Variants in TCAF2 observed in about 807,000 individuals in gnomAD.
The protein encoded by TCAF2 is TRPM8 channel associated factor 2.
In TCAF2, 6 loss-of-function variants were observed where a neutral mutation model predicts 33.9. That is an observed-to-expected ratio of 0.18 (90% CI 0.10 to 0.35). TCAF2 has a LOEUF of 0.35. Among genes scored for constraint, TCAF2 ranks in the 10% least tolerant of loss-of-function variants. The probability of loss-of-function intolerance (pLI) is 1.00; values close to 1 mark genes in which losing one functional copy is unlikely to be tolerated. For synonymous variants in TCAF2, 41 were observed against 247.8 expected, an observed-to-expected ratio of 0.17 and a Z score of 7.84; for missense variants, 109 against 604.0, an observed-to-expected ratio of 0.18 and a Z score of 8.59.
intron 3 of TCAF2, 122 bp downstream of exon 3, chr7:143,720,796 T>C (rs779586295): frequency 4.9e-6 from 5 of 1,013,728 alleles, no homozygotes; most frequent in African/African-American, 1.9e-5. Context: ...TCTTTTTTTT[T>C]TTGAGACAGA....
rs187262016 is a variant in TCAF2, at chr7:143,721,156, A to T, written c.1616-125A>T. ...TTAAGGTTTAGAGGGGATGAGCCTA[A>T]GAAGTATGGATGACTTGAGATACAC... On this transcript the variant is annotated intron_variant, in intron 3 of 7. Coordinates refer to ENST00000684770, the MANE Select transcript of TCAF2 (RefSeq NM_001363538.2). 16 of 444,802 alleles carry T rather than the reference A, an allele frequency of 3.6e-5. 7 individuals carry two copies. In the East Asian group the frequency reaches 5.9e-4, roughly 16 times the overall value. 27.6% of individuals were successfully genotyped at this position (444,802 alleles called of 1,614,324 possible). A position where few individuals can be genotyped will look rare whatever the true frequency, so the allele number is the denominator to read the frequency against.
chr7:143,728,889 GTTGT>G lies in TCAF2; in HGVS notation c.*1229_*1232del, dbSNP rs1809747375. 4 of 152,244 alleles carry G rather than the reference GTTGT, an allele frequency of 2.6e-5. No homozygotes were observed. In the East Asian group the frequency reaches 7.7e-4, roughly 29 times the overall value. The allele number at this position is 152,244 out of a possible 1,614,324, so 9.4% of individuals were successfully genotyped here. ...CTCCAGTTTACTTTTAGACCATATT[GTTGT>G]TTGTTTTGAATATCATTCCTTAGGC... On this transcript the variant is annotated 3_prime_UTR_variant, in exon 8 of 8. Transcript: ENST00000684770.
chr7:143,729,202 G>T lies in TCAF2; in HGVS notation c.*1535G>T, dbSNP rs903075185. On this transcript the variant is annotated 3_prime_UTR_variant, in exon 8 of 8. Coordinates refer to ENST00000684770, the MANE Select transcript of TCAF2 (RefSeq NM_001363538.2). ...AATGTTATCTTCCCAGCAGACCTCT[G>T]AGGTAGGTACTAGTATGATCCCCAT... is the stretch of plus-strand genomic sequence containing the variant. 6.6e-6 allele frequency: 1 copy of T among 152,136 alleles called. No homozygotes were observed. The allele number at this position is 152,136 out of a possible 1,614,324, so 9.4% of individuals were successfully genotyped here. A position where few individuals can be genotyped will look rare whatever the true frequency, so the allele number is the denominator to read the frequency against.
intron 1 of TCAF2, among the ~76,000 whole-genome samples, chr7:143,701,762 CTTTATTTTATTTTATTTTATTTTAT>C (rs796928755): frequency 2.1e-5 from 2 of 97,394 alleles, no homozygotes; most frequent in African/African-American, 4.3e-5. Flanking sequence ...TTTTATTTTA[CTTTATTTTATTTTATTTTATTTTAT>C]TTTATTTTAT....
At chr7:143,634,812 A>G (rs1326813010) in intron 1 of TCAF2, among the ~76,000 whole-genome samples, 2 of 103,376 alleles carry the variant, frequency 1.9e-5, no homozygotes, top group Non-Finnish European at 4.0e-5. Flanking sequence ...CTCTCTGATT[A>G]TCAATGCCCA....
chr7:143,729,471 A>G lies in TCAF2; in HGVS notation c.*1804A>G, dbSNP rs1451216422. On this transcript the variant is annotated 3_prime_UTR_variant, in exon 8 of 8. Transcript: ENST00000684770. ...GAATTTTCATTCAATAACAAGTTTA[A>G]CTTCCAAAAAGGTGTTGGTATCTGA... 6.6e-6 allele frequency: 1 copy of G among 152,172 alleles called. No homozygotes were observed. The highest frequency in any genetic ancestry group is 2.4e-5 in the African/African-American group (1 of 41,446). 9.4% of individuals were successfully genotyped at this position (152,172 alleles called of 1,614,324 possible). A position where few individuals can be genotyped will look rare whatever the true frequency, so the allele number is the denominator to read the frequency against.
At position 143,730,003 on chromosome 7, in the gene TCAF2, A is replaced by G. The variant is rs1442223954; in HGVS notation, c.*2336A>G. ...ATGCCATATTTTCTTTATCCAGTCT[A>G]TCATTGGTGGGCATTTGGGTTGGTT... On this transcript the variant is annotated 3_prime_UTR_variant, in exon 8 of 8. Coordinates refer to ENST00000684770, the MANE Select transcript of TCAF2 (RefSeq NM_001363538.2). The G allele has an allele frequency of 2.6e-5, 4 of 152,132 alleles. No homozygotes were observed. The highest frequency in any genetic ancestry group is 1.3e-4 in the Admixed American group (2 of 15,272). The allele number at this position is 152,132 out of a possible 1,614,324, so 9.4% of individuals were successfully genotyped here.
At position 143,622,583 on chromosome 7, in the gene TCAF2, T is replaced by C. The variant is rs1314437250; in HGVS notation, c.-12+1563T>C. Among the ~76,000 whole-genome samples the C allele has an allele frequency of 1.3e-4, 5 of 37,434 alleles. 2 individuals carry two copies. The highest frequency in any genetic ancestry group is 1.9e-4 in the Non-Finnish European group (3 of 16,062). The allele number at this position is 37,434 out of a possible 152,430, so 24.6% of individuals were successfully genotyped here. On this transcript the variant is annotated intron_variant, in intron 1 of 7. Transcript: ENST00000684770. Reference sequence around the variant, plus strand: ...CTTTATTTTATTTTACTTTACTTTATTTTATTTTATTTTATTTTATTTTAT... The same window carrying C: ...CTTTATTTTATTTTACTTTACTTTACTTTATTTTATTTTATTTTATTTTAT...
rs1429283692 is a variant in TCAF2, at chr7:143,727,982, C to T, written c.*315C>T. 6.1e-6 allele frequency: 1 copy of T among 164,652 alleles called. No individual in the cohort carries two copies. Among genetic ancestry groups the T allele is most frequent in the Non-Finnish European group, 1.3e-5 (1 of 76,554 alleles). The allele number at this position is 164,652 out of a possible 1,614,324, so 10.2% of individuals were successfully genotyped here. The stretch of plus-strand genomic sequence containing the variant: ...CCAATAGCTCTAAAGACCACGGGTT[C>T]CCATAACAACCTGATATCCCTTTCT... On this transcript the variant is annotated 3_prime_UTR_variant, in exon 8 of 8. Transcript: ENST00000684770.
chr7:143,707,329 C>CA (rs1279009880), intron 2 of TCAF2, among the ~76,000 whole-genome samples: 2,398 of 30,900 alleles, frequency 0.078, 71 homozygotes, highest in Non-Finnish European at 0.086. Flanking sequence ...GACTCTGTCT[C>CA]AAAAAAAAAA....
Position 143,624,052 on chromosome 7 carries a change from G to A in TCAF2, c.-12+3032G>A, listed in dbSNP as rs1382177770. On this transcript the variant is annotated intron_variant, in intron 1 of 7. Transcript: ENST00000684770. The stretch of plus-strand genomic sequence containing the variant: ...GCTCTGTCCCTGTCCTGGGGCTCCC[G>A]TGGGAGTGCGTCCATCCCTGGCACC... 17 of 571,616 alleles carry A rather than the reference G, an allele frequency of 3.0e-5. 5 individuals carry two copies. Among genetic ancestry groups the A allele is most frequent in the African/African-American group, 6.5e-5 (3 of 45,850 alleles). 35.4% of individuals were successfully genotyped at this position (571,616 alleles called of 1,614,324 possible).
At chr7:143,720,701 A>C in intron 3 of TCAF2, 27 bp downstream of exon 3, 1 of 981,638 alleles carries the variant, frequency 1.0e-6, no homozygotes, top group Non-Finnish European at 1.3e-6. Flanking sequence ...GAGTGCCCAG[A>C]ACATTAAAGA....
rs748436115 is a variant in TCAF2, at chr7:143,724,553, T to C, written c.2361T>C (p.His787=). ...ATCNLWSVYV[H]ETVLGIPRAQ... ...GTAACCTTTGGTCAGTCTACGTGCATGAAACAGTCCTGGGGATCCCCAGGG... is the reference window on the plus strand; with the variant it reads ...GTAACCTTTGGTCAGTCTACGTGCACGAAACAGTCCTGGGGATCCCCAGGG... Residue 787 remains histidine (H), a synonymous_variant, in exon 7 of 8, where the codon CAT becomes CAC. Transcript: ENST00000684770. The C allele has an allele frequency of 1.4e-5, 22 of 1,610,742 alleles. No homozygotes were observed. In the South Asian group the frequency reaches 2.3e-4, roughly 17 times the overall value.
chr7:143,725,482 A>C (rs1809657609), intron 7 of TCAF2, among the ~76,000 whole-genome samples: 2 of 151,918 alleles, frequency 1.3e-5, no homozygotes, highest in South Asian at 4.2e-4. Flanking sequence ...ATTTTAAAGA[A>C]TTTAAGCAAT....
chr7:143,726,101 T>A (rs1236683143), intron 7 of TCAF2, among the ~76,000 whole-genome samples: 2 of 152,358 alleles, frequency 1.3e-5, no homozygotes, highest in Non-Finnish European at 2.9e-5. Flanking sequence ...TCAAAGCTCA[T>A]TAGCAGGGCA....
In TCAF2 at chr7:143,724,701, C is replaced by G; in HGVS notation, c.2505+4C>G. On this transcript the variant is annotated splice_donor_region_variant and intron_variant, in intron 7 of 7. Coordinates refer to ENST00000684770, the MANE Select transcript of TCAF2 (RefSeq NM_001363538.2). ...AGCCCTGGAAACATATCTACAGGTACTGAGCAGAAATTCTGGGAGAAGGGG... is the reference window on the plus strand; with the variant it reads ...AGCCCTGGAAACATATCTACAGGTAGTGAGCAGAAATTCTGGGAGAAGGGG... 6.2e-7 allele frequency: 1 copy of G among 1,600,346 alleles called. No individual in the cohort carries two copies. The highest frequency in any genetic ancestry group is 1.1e-5 in the South Asian group (1 of 90,044).
In TCAF2 at chr7:143,701,757, TTTTAC is replaced by T. The variant is rs879902230; in HGVS notation, c.-11-1222_-11-1218del. ...TAGACATATTCTTTGCTTTATTTTA[TTTTAC>T]TTTATTTTATTTTATTTTATTTTAT... On this transcript the variant is annotated intron_variant, in intron 1 of 7. Transcript: ENST00000684770. Among the ~76,000 whole-genome samples the T allele has an allele frequency of 2.4e-3, 218 of 89,472 alleles. 11 individuals are homozygous for T. Among genetic ancestry groups the T allele is most frequent in the African/African-American group, 8.6e-3 (209 of 24,278 alleles). The allele number at this position is 89,472 out of a possible 152,430, so 58.7% of individuals were successfully genotyped here. A position where few individuals can be genotyped will look rare whatever the true frequency, so the allele number is the denominator to read the frequency against.
Position 143,727,405 on chromosome 7 carries a change from C to A in TCAF2, c.2506-8C>A. ...ACACCTCATTCTGTTCCTTCTTTCCCTTTTCAGCTCCAAGAGGCCTTCGGG... is the reference window on the plus strand; with the variant it reads ...ACACCTCATTCTGTTCCTTCTTTCCATTTTCAGCTCCAAGAGGCCTTCGGG... On this transcript the variant is annotated splice_region_variant and splice_polypyrimidine_tract_variant and intron_variant, in intron 7 of 7. Transcript: ENST00000684770. 1 of 1,547,220 alleles carries A rather than the reference C, an allele frequency of 6.5e-7. No individual in the cohort carries two copies. The highest frequency in any genetic ancestry group is 1.2e-5 in the South Asian group (1 of 83,558).
In TCAF2 at chr7:143,729,999, G is replaced by A. The variant is rs1011117474; in HGVS notation, c.*2332G>A. On this transcript the variant is annotated 3_prime_UTR_variant, in exon 8 of 8. Transcript: ENST00000684770. ...ATATATGCCATATTTTCTTTATCCA[G>A]TCTATCATTGGTGGGCATTTGGGTT... 1.3e-5 allele frequency: 2 copies of A among 152,074 alleles called. No homozygotes were observed. Among genetic ancestry groups the A allele is most frequent in the Non-Finnish European group, 2.9e-5 (2 of 68,036 alleles). The allele number at this position is 152,074 out of a possible 1,614,324, so 9.4% of individuals were successfully genotyped here.
Sources: gnomAD v4.1 joint callset for allele counts (sites outside exome capture counted in the v4.1 genomes callset) on GRCh38, gnomAD v4.1.1 for gene constraint, MANE v1.5 for transcripts, NCBI Gene and HGNC (gene_info 2026-07-23, HGNC 2026-07-21) for gene names.